MYH3: variants seen among roughly 807,000 people sequenced by gnomAD.
MYH3 encodes myosin heavy chain 3.
Under a neutral mutation model 238.0 loss-of-function variants are expected in MYH3, and 130 were observed. The ratio of observed to expected loss-of-function variants is 0.55; its 90% CI spans 0.47 to 0.63. MYH3 has a LOEUF of 0.63. Among genes scored for constraint, MYH3 ranks in the 30% least tolerant of loss-of-function variants. The pLI, the probability that MYH3 is intolerant of heterozygous loss-of-function variation, is 0.00. For synonymous variants in MYH3, 880 were observed against 924.1 expected, an observed-to-expected ratio of 0.95 and a Z score of 0.86; for missense variants, 1,853 against 2,374.9, an observed-to-expected ratio of 0.78 and a Z score of 4.57.
chr17:10,640,109 A>G lies in MYH3; in HGVS notation c.2569T>C (p.Phe857Leu). The G allele has an allele frequency of 6.2e-7, 1 of 1,614,038 alleles. No individual in the cohort carries two copies. Among genetic ancestry groups the G allele is most frequent in the Non-Finnish European group, 8.5e-7 (1 of 1,180,022 alleles). Residue 857 changes from phenylalanine (F) to leucine (L), a missense_variant, in exon 22 of 41, where the codon TTC becomes CTC. Physicochemically the swap from Phe to Leu is conservative, Grantham distance 22. Transcript: ENST00000583535. ...GCGAGTTCATCTTTGGTTTTCTGGA[A>G]TTCTTCCTTCATGGTGGCCATCTCT... is the stretch of plus-strand genomic sequence containing the variant. ...EKEMATMKEE[F>L]QKTKDELAKS...
rs758759422 is a variant in MYH3 at position 10,630,134 on chromosome 17, G to A, written c.5520C>T (p.Gly1840=). The change falls in exon 38 of 41, where the codon GGC becomes GGT. Residue 1840 remains glycine, a synonymous_variant. Coordinates refer to ENST00000583535, the MANE Select transcript of MYH3 (RefSeq NM_002470.4). ...TGACCCTCCGCTCATACTTCCTCAG[G>A]CCCTTAACAGACTCTGTGTTCTTCT... ...EQKKNTESVK[G]LRKYERRVKE... 6.2e-7 allele frequency: 1 copy of A among 1,614,160 alleles called. No individual in the cohort carries two copies. Among genetic ancestry groups the A allele is most frequent in the Non-Finnish European group, 8.5e-7 (1 of 1,180,040 alleles).
chr17:10,642,549 T>C lies in MYH3; in HGVS notation c.1756A>G (p.Thr586Ala). ...AHFSLIHYAG[T>A]VDYSVSGWLE... ...CAACCTGAGACACTGTAGTCCACGGTGCCCGCATAGTGGATCAGTGAGAAG... is the reference window on the plus strand; with the variant it reads ...CAACCTGAGACACTGTAGTCCACGGCGCCCGCATAGTGGATCAGTGAGAAG... Residue 586 changes from threonine (T) to alanine (A), a missense_variant, in exon 16 of 41, where the codon ACC (threonine) becomes GCC (alanine). Physicochemically the swap from Thr to Ala is moderately conservative, Grantham distance 58. Coordinates refer to ENST00000583535, the MANE Select transcript of MYH3 (RefSeq NM_002470.4). The surrounding 1 kb of genome is among the most constrained non-coding windows in gnomAD (Gnocchi z 5.4). 10 of 1,614,198 alleles carry C rather than the reference T, an allele frequency of 6.2e-6. No homozygotes were observed. Among genetic ancestry groups the C allele is most frequent in the Non-Finnish European group, 8.5e-6 (10 of 1,180,034 alleles).
chr17:10,662,124 T>C (rs1046378744), upstream of MYH3, among the ~76,000 whole-genome samples: 15 of 151,856 alleles, frequency 9.9e-5, no homozygotes, highest in African/African-American at 3.1e-4. Flanking sequence ...CAGGTTCAAG[T>C]GATTCTTGTG....
chr17:10,653,588 C>T (rs3815011), intron 3 of MYH3, among the ~76,000 whole-genome samples: 4 of 151,966 alleles, frequency 2.6e-5, no homozygotes, highest in African/African-American at 7.3e-5. Flanking sequence ...GGACAAACCC[C>T]CACACCCTCG....
Position 10,634,105 on chromosome 17 carries a change from C to G in MYH3, c.4434G>C (p.Leu1478Phe). Residue 1478 changes from leucine to phenylalanine, a missense_variant, in exon 32 of 41, where the codon TTG (leucine) becomes TTC (phenylalanine). Coordinates refer to ENST00000583535, the MANE Select transcript of MYH3 (RefSeq NM_002470.4). ...TTTTCAGTTTGAAGAGCTCAGTGCT[C>G]AAGGAGCGGGACTCCTTCAGGGATG... ...LEASLKESRS[L>F]STELFKLKNA... The G allele has an allele frequency of 6.2e-7, 1 of 1,614,198 alleles. No homozygotes were observed. The highest frequency in any genetic ancestry group is 8.5e-7 in the Non-Finnish European group (1 of 1,180,008).
At chr17:10,629,492 G>A in intron 40 of MYH3, 105 bp downstream of exon 40, 2 of 1,470,286 alleles carry the variant, frequency 1.4e-6, no homozygotes, top group Non-Finnish European at 9.3e-7. Flanking sequence ...CTCTTCCTGA[G>A]CCTGAGACTC....
chr17:10,653,266 T>C (rs974083258), intron 3 of MYH3, among the ~76,000 whole-genome samples: 3 of 152,096 alleles, frequency 2.0e-5, no homozygotes, highest in African/African-American at 7.2e-5. Flanking sequence ...CTCTTTCCTG[T>C]CTACTGAGAG....
upstream of MYH3, among the ~76,000 whole-genome samples, chr17:10,661,866 G>T (rs906786568): frequency 6.6e-6 from 1 of 152,124 alleles, no homozygotes; most frequent in Admixed American, 6.6e-5. Flanking sequence ...CGGTTATCCT[G>T]AGCCAAGACC....
rs752469404 is a variant in MYH3 at position 10,630,473 on chromosome 17, G to A, written c.5287-15C>T. The A allele has an allele frequency of 3.7e-6, 6 of 1,614,056 alleles. No individual in the cohort carries two copies. Among genetic ancestry groups the A allele is most frequent in the Non-Finnish European group, 5.1e-6 (6 of 1,179,980 alleles). On this transcript the variant is annotated splice_polypyrimidine_tract_variant and intron_variant, in intron 36 of 40. Transcript: ENST00000583535. Reference sequence around the variant, plus strand: ...ATCATGGCAGCCTGAAAAGCACATGGGACTTGCTAGGATGCAGAGGAAGCT... The same window carrying A: ...ATCATGGCAGCCTGAAAAGCACATGAGACTTGCTAGGATGCAGAGGAAGCT...
chr17:10,628,822 T>C (rs2142374838), intron 40 of MYH3, 143 bp from the exon 41 acceptor site: 2 of 869,642 alleles, frequency 2.3e-6, no homozygotes, highest in Non-Finnish European at 1.9e-6. Context: ...AACGCACGAT[T>C]GCACACATGA....
At chr17:10,650,028 G>A (rs897856065) in intron 6 of MYH3, among the ~76,000 whole-genome samples, 3 of 152,056 alleles carry the variant, frequency 2.0e-5, no homozygotes, top group Non-Finnish European at 4.4e-5. Context: ...CTGGAGTGCA[G>A]TGGCGCGATC....
upstream of MYH3, among the ~76,000 whole-genome samples, chr17:10,660,678 GA>G (rs34156792): frequency 1.2e-4 from 16 of 134,378 alleles, no homozygotes; most frequent in Non-Finnish European, 1.8e-4. Flanking sequence ...CTCTGACTCG[GA>G]AAAAAAAAAA....
At position 10,630,814 on chromosome 17, in the gene MYH3, G is replaced by C. The variant is rs551120771; in HGVS notation, c.5287-356C>G. 3.9e-5 allele frequency among the ~76,000 whole-genome samples: 6 copies of C among 152,098 alleles called. No homozygotes were observed. The South Asian group carries it at 1.3e-3, about 32-fold the overall frequency. On this transcript the variant is annotated intron_variant, in intron 36 of 40. Transcript: ENST00000583535. ...TGCAGTGAGCCGAGATCTCGCCATT[G>C]CACTCCAGCCTGGTCAATAAGAGTG... is the stretch of plus-strand genomic sequence containing the variant.
the MYH3 span, among the ~76,000 whole-genome samples, chr17:10,671,615 T>C: frequency 1.4e-5 from 2 of 147,902 alleles, no homozygotes; most frequent in Non-Finnish European, 3.0e-5. Flanking sequence ...GTCTAGCTCT[T>C]GTCGCCCAGG....
At chr17:10,647,481 C>A in intron 8 of MYH3, 55 bp from the exon 9 acceptor site, 1 of 1,575,346 alleles carries the variant, frequency 6.3e-7, no homozygotes, top group Non-Finnish European at 8.7e-7. Flanking sequence ...CCAATAGTTC[C>A]TATTCATCTT....
At position 10,650,316 on chromosome 17, in the gene MYH3, T is replaced by C. The variant is rs151066709; in HGVS notation, c.533+58A>G. The C allele has an allele frequency of 5.4e-4, 829 of 1,535,994 alleles. 5 individuals carry two copies. In the African/African-American group the frequency reaches 8.4e-3, roughly 15 times the overall value. ...AGACTCTGCTCCAAACACTTTCTAA[T>C]GAACAGAATAGAGCCAGTGGCACAG... On this transcript the variant is annotated intron_variant, in intron 6 of 40. Coordinates refer to ENST00000583535, the MANE Select transcript of MYH3 (RefSeq NM_002470.4).
At chr17:10,660,500 C>A (rs1026723694), upstream of MYH3, among the ~76,000 whole-genome samples, 12 of 148,410 alleles carry the variant, frequency 8.1e-5, no homozygotes, top group East Asian at 2.0e-4. Flanking sequence ...ACAGTGAAAC[C>A]CCGTCTCTAC....
intron 32 of MYH3, 128 bp from the exon 33 acceptor site, chr17:10,633,843 G>A (rs922323624): frequency 1.3e-6 from 2 of 1,498,866 alleles, no homozygotes; most frequent in Admixed American, 1.7e-5. Flanking sequence ...CTAGAGATAA[G>A]ATATTGTACA....
At chr17:10,632,389 G>A (rs767098137) in intron 34 of MYH3, 87 bp downstream of exon 34, 406 of 1,452,914 alleles carry the variant, frequency 2.8e-4, no homozygotes, top group Non-Finnish European at 3.5e-4. Flanking sequence ...AGAGCGCTGG[G>A]ACTACAGGCG....
Sources: gnomAD v4.1 joint callset for allele counts (sites outside exome capture counted in the v4.1 genomes callset) on GRCh38, gnomAD v4.1.1 for gene constraint, Gnocchi (gnomAD v3.1) non-coding constraint, MANE v1.5 for transcripts, NCBI Gene and HGNC (gene_info 2026-07-23, HGNC 2026-07-21) for gene names.